The following OTC variants were observed in gnomAD, a reference collection of about 807,000 sequenced individuals.
OTC encodes ornithine transcarbamylase, mitochondrial.
In OTC, 3 loss-of-function variants were observed where a neutral mutation model predicts 30.3. The observed-to-expected ratio is 0.10, with a 90% CI of 0.05 to 0.26. The LOEUF (loss-of-function observed/expected upper bound fraction) is 0.26, where lower values mean the gene tolerates loss of function less well. Among genes scored for constraint, OTC ranks in the 10% least tolerant of loss-of-function variants. The pLI, the probability that OTC is intolerant of heterozygous loss-of-function variation, is 1.00. For missense variants in OTC, 194 were observed against 260.3 expected (o/e 0.75, Z 1.75); for synonymous variants, 111 against 99.7 (o/e 1.11, Z -0.67).
At chrX:38,381,123 A>G (rs2068374012) in intron 3 of OTC, among the ~76,000 whole-genome samples, 1 of 112,346 alleles carries the variant, frequency 8.9e-6, no homozygotes, top group Non-Finnish European at 1.9e-5. Context: ...GGGTGGAGAA[A>G]TGGGCACACA....
chrX:38,382,367 A>G (rs769284093), intron 4 of OTC, among the ~76,000 whole-genome samples: 1 of 112,527 alleles, frequency 8.9e-6, no homozygotes, highest in East Asian at 2.8e-4. Flanking sequence ...TTTTGCCCTC[A>G]AAAGAGAAGA....
the OTC span, among the ~76,000 whole-genome samples, chrX:38,341,053 C>T: frequency 8.9e-6 from 1 of 111,858 alleles, no homozygotes; most frequent in Non-Finnish European, 1.9e-5. Flanking sequence ...CTGCCTCGGC[C>T]TCCCAAAGTG....
the OTC span, among the ~76,000 whole-genome samples, chrX:38,338,879 T>A: frequency 9.0e-6 from 1 of 111,664 alleles, no homozygotes; most frequent in Non-Finnish European, 1.9e-5. Context: ...CAGTCAGCAT[T>A]ATTGGTTGGT....
At chrX:38,388,439 C>CT (rs749324119) in intron 4 of OTC, among the ~76,000 whole-genome samples, 85 of 103,163 alleles carry the variant, frequency 8.2e-4, no homozygotes, top group African/African-American at 1.0e-3. Flanking sequence ...ACTGGATATT[C>CT]TTTTTTTTTT....
At chrX:38,343,681 A>T in the OTC span, among the ~76,000 whole-genome samples, 8 of 112,605 alleles carry the variant, frequency 7.1e-5, no homozygotes, top group African/African-American at 2.3e-4. Context: ...AAAATTCTGG[A>T]TTCTGCTTAA....
chrX:38,336,897 C>G, the OTC span, among the ~76,000 whole-genome samples: 4 of 112,154 alleles, frequency 3.6e-5, no homozygotes, highest in Non-Finnish European at 7.5e-5. Flanking sequence ...TCAGTCTCCA[C>G]TAACAGTGAC....
intron 9 of OTC, among the ~76,000 whole-genome samples, chrX:38,415,240 G>A (rs918003043): frequency 1.3e-4 from 14 of 107,900 alleles, no homozygotes; most frequent in Admixed American, 1.0e-3. Flanking sequence ...CACTGTGCCC[G>A]GCTAATTTTT....
chrX:38,348,116 CCAAT>C (rs895985539), upstream of OTC, among the ~76,000 whole-genome samples: 21 of 112,146 alleles, frequency 1.9e-4, no homozygotes, highest in Middle Eastern at 4.6e-3. Flanking sequence ...CTTTCAACAT[CCAAT>C]CAATTTTCAT....
At chrX:38,417,328 G>C (rs1281117071) in intron 9 of OTC, among the ~76,000 whole-genome samples, 1 of 111,345 alleles carries the variant, frequency 9.0e-6, no homozygotes, top group African/African-American at 3.3e-5. Context: ...GTGATCTTGG[G>C]CTCCTAATCA....
In OTC at chrX:38,384,471, T is replaced by A. The variant is rs186733383; in HGVS notation, c.386+3042T>A. On this transcript the variant is annotated intron_variant, in intron 4 of 9. Transcript: ENST00000039007. ...GCTAAATTGAAGAAGACAAGATAAA[T>A]CTACCACCTTCCACAGATGCAATTG... 5.6e-3 allele frequency among the ~76,000 whole-genome samples: 625 copies of A among 112,254 alleles called. 6 individuals are homozygous for A. Among genetic ancestry groups the A allele is most frequent in the Middle Eastern group, 0.019 (4 of 216 alleles).
At chrX:38,351,918 G>A (rs768925942), upstream of OTC, among the ~76,000 whole-genome samples, 21 of 111,131 alleles carry the variant, frequency 1.9e-4, no homozygotes, top group Non-Finnish European at 4.0e-4. Context: ...GCACCACCAC[G>A]TCTAGCTAAT....
intron 4 of OTC, among the ~76,000 whole-genome samples, chrX:38,392,228 G>C (rs1234896980): frequency 1.8e-5 from 2 of 112,364 alleles, no homozygotes; most frequent in Non-Finnish European, 3.8e-5. Flanking sequence ...AAGTCTTTTT[G>C]CTACCATTGT....
chrX:38,352,441 C>A (rs1262329459), upstream of OTC: 11 of 354,696 alleles, frequency 3.1e-5, no homozygotes, highest in East Asian at 5.7e-4. Flanking sequence ...ATGAGGAGGC[C>A]AGGCAATAAA....
intron 6 of OTC, among the ~76,000 whole-genome samples, chrX:38,406,678 G>T (rs2068517432): frequency 8.9e-6 from 1 of 111,889 alleles, no homozygotes; most frequent in Non-Finnish European, 1.9e-5. Context: ...AATTTTCAGG[G>T]TAGGAGGCAC....
At chrX:38,409,212 G>A (rs753396094) in intron 8 of OTC, among the ~76,000 whole-genome samples, 187 bp downstream of exon 8, 3 of 111,827 alleles carry the variant, frequency 2.7e-5, no homozygotes, top group Non-Finnish European at 5.6e-5. Flanking sequence ...AGGCATTTTT[G>A]TGCTGGATGA....
chrX:38,390,440 A>G (rs1246404828), intron 4 of OTC, among the ~76,000 whole-genome samples: 1 of 112,108 alleles, frequency 8.9e-6, no homozygotes, highest in Non-Finnish European at 1.9e-5. Flanking sequence ...ACAAAAAATA[A>G]AATCAGAAAC....
chrX:38,353,247 A>G (rs1336948276), intron 1 of OTC, among the ~76,000 whole-genome samples: 1 of 112,549 alleles, frequency 8.9e-6, no homozygotes, highest in Non-Finnish European at 1.9e-5. Flanking sequence ...ATTTTTAAAT[A>G]AAATACAAGT....
chrX:38,407,258 A>G (rs2142429), intron 6 of OTC, among the ~76,000 whole-genome samples: 55,723 of 111,593 alleles, frequency 0.5, 11,717 homozygotes, highest in African/African-American at 0.82. Context: ...GGGTTGCCCC[A>G]AAAGGGTGTG....
chrX:38,389,431 A>C (rs183943399), intron 4 of OTC, among the ~76,000 whole-genome samples: 9 of 111,486 alleles, frequency 8.1e-5, no homozygotes, highest in African/African-American at 2.6e-4. Flanking sequence ...ACTGTTATTC[A>C]GGTATTTATA....
Sources: allele counts gnomAD v4.1 joint callset (sites outside exome capture counted in the v4.1 genomes callset), GRCh38; gene constraint gnomAD v4.1.1; transcripts MANE v1.5; gene names NCBI Gene and HGNC (gene_info 2026-07-23, HGNC 2026-07-21).